Variants in BIRC2 observed in about 807,000 individuals in gnomAD.
The protein encoded by BIRC2 is baculoviral IAP repeat containing 2.
Under a neutral mutation model 60.9 loss-of-function variants are expected in BIRC2, and 18 were observed. That is an observed-to-expected ratio of 0.30 (90% CI 0.20 to 0.44). BIRC2 has a LOEUF of 0.44. Among genes scored for constraint, BIRC2 ranks in the 20% least tolerant of loss-of-function variants. The pLI is 1.00. For missense variants in BIRC2, 701 were observed against 728.5 expected (o/e 0.96, Z 0.43); for synonymous variants, 282 against 247.7 (o/e 1.14, Z -1.30).
At chr11:102,368,210 A>T in intron 5 of BIRC2, 96 bp from the exon 6 acceptor site, 2 of 1,389,004 alleles carry the variant, frequency 1.4e-6, no homozygotes, top group South Asian at 2.7e-5. Context: ...TTACCAGAAT[A>T]TGAGAGTAAA....
intron 3 of BIRC2, among the ~76,000 whole-genome samples, chr11:102,360,528 G>A (rs1049870536): frequency 2.0e-5 from 3 of 151,068 alleles, no homozygotes; most frequent in Admixed American, 6.6e-5. Context: ...TCATTTGTTT[G>A]TATATATTTT....
chr11:102,376,705 A>G (rs944903740), intron 6 of BIRC2, among the ~76,000 whole-genome samples: 9 of 152,214 alleles, frequency 5.9e-5, no homozygotes, highest in African/African-American at 2.2e-4. Flanking sequence ...ATTCTTAGGT[A>G]GTTTTTTTTA....
At chr11:102,363,237 G>T (rs1214319924) in intron 4 of BIRC2, among the ~76,000 whole-genome samples, 1 of 152,000 alleles carries the variant, frequency 6.6e-6, no homozygotes, top group East Asian at 1.9e-4. Flanking sequence ...AAAAAAGATT[G>T]TTTTTTTGTT....
At position 102,349,715 on chromosome 11, in the gene BIRC2, T is replaced by A; in HGVS notation, c.-140T>A. 1 of 875,126 alleles carries A rather than the reference T, an allele frequency of 1.1e-6. No homozygotes were observed. The highest frequency in any genetic ancestry group is 1.7e-6 in the Non-Finnish European group (1 of 583,898). The allele number at this position is 875,126 out of a possible 1,614,324, so 54.2% of individuals were successfully genotyped here. A position where few individuals can be genotyped will look rare whatever the true frequency, so the allele number is the denominator to read the frequency against. On this transcript the variant is annotated 5_prime_UTR_variant, in exon 2 of 9. Coordinates refer to ENST00000227758, the MANE Select transcript of BIRC2 (RefSeq NM_001166.5). ...ATACTCATCCTACCTGAATATAAAC[T>A]GAGATAAATCCAGTAAAGAAAGTGT...
At chr11:102,351,160 C>A (rs555106806) in intron 3 of BIRC2, among the ~76,000 whole-genome samples, 1 of 152,016 alleles carries the variant, frequency 6.6e-6, no homozygotes, top group Non-Finnish European at 1.5e-5. Context: ...CAAGTATGAC[C>A]GTACATTTTA....
At chr11:102,368,785 CAG>C (rs1249122422) in intron 6 of BIRC2, among the ~76,000 whole-genome samples, 1 of 152,134 alleles carries the variant, frequency 6.6e-6, no homozygotes, top group Non-Finnish European at 1.5e-5. Flanking sequence ...TTATGCCAAT[CAG>C]AGAATTTTAG....
chr11:102,372,711 C>T (rs1169224478), intron 6 of BIRC2, among the ~76,000 whole-genome samples: 2 of 134,872 alleles, frequency 1.5e-5, no homozygotes, highest in African/African-American at 2.9e-5. Context: ...AGTTCAATTC[C>T]TGGGTATCCT....
chr11:102,375,391 GTAAA>G (rs1951698419), intron 6 of BIRC2, among the ~76,000 whole-genome samples: 1 of 152,184 alleles, frequency 6.6e-6, no homozygotes, highest in South Asian at 2.1e-4. Flanking sequence ...AAGCTTGTAA[GTAAA>G]GACAGGAATA....
intron 3 of BIRC2, among the ~76,000 whole-genome samples, chr11:102,355,326 C>T (rs372624748): frequency 3.3e-5 from 5 of 152,218 alleles, no homozygotes; most frequent in African/African-American, 9.6e-5. Flanking sequence ...TACATAAAAA[C>T]GGTGTTGGAT....
intron 3 of BIRC2, among the ~76,000 whole-genome samples, chr11:102,351,256 C>T (rs564163060): frequency 6.6e-6 from 1 of 152,112 alleles, no homozygotes; most frequent in African/African-American, 2.4e-5. Context: ...AAGGTAAGAA[C>T]AGGAAAACAA....
intron 6 of BIRC2, among the ~76,000 whole-genome samples, chr11:102,375,960 AT>A (rs112788487): frequency 0.15 from 21,390 of 144,798 alleles, 1,859 homozygotes; most frequent in African/African-American, 0.24. Flanking sequence ...TAGCACGTCA[AT>A]TTTTTTTTTT....
In BIRC2 at chr11:102,350,598, A is replaced by T; in HGVS notation, c.744A>T (p.Pro248=). The T allele has an allele frequency of 6.2e-7, 1 of 1,614,170 alleles. No homozygotes were observed. Residue 248 remains proline (P), a synonymous_variant, in exon 2 of 9, where the codon CCA becomes CCT. Coordinates refer to ENST00000227758, the MANE Select transcript of BIRC2 (RefSeq NM_001166.5). ...SEHRRHFPNC[P]FLENSLETLR... The stretch of plus-strand genomic sequence containing the variant: ...ACCGGAGGCATTTTCCCAACTGTCC[A>T]TTTTTGGAAAATTCTCTAGAAACTC...
chr11:102,347,724 T>G (rs546622640), intron 1 of BIRC2: 9 of 152,408 alleles, frequency 5.9e-5, no homozygotes, highest in Admixed American at 5.2e-4. Flanking sequence ...TTTAATGTAA[T>G]ACATTGAAAC....
intron 3 of BIRC2, among the ~76,000 whole-genome samples, chr11:102,358,241 A>G (rs1294252517): frequency 6.6e-6 from 1 of 152,208 alleles, no homozygotes; most frequent in Non-Finnish European, 1.5e-5. Flanking sequence ...ATAAAGGTTG[A>G]GTATCCCCAA....
chr11:102,367,260 T>C (rs998482201), intron 5 of BIRC2, among the ~76,000 whole-genome samples: 2 of 152,204 alleles, frequency 1.3e-5, no homozygotes, highest in African/African-American at 4.8e-5. Flanking sequence ...CCAGCATATA[T>C]TGCATTTTAT....
chr11:102,362,465 C>T (rs1188312826), intron 3 of BIRC2, among the ~76,000 whole-genome samples: 2 of 152,064 alleles, frequency 1.3e-5, no homozygotes, highest in Non-Finnish European at 2.9e-5. Flanking sequence ...TGGATTCTGG[C>T]TCAAATGTAA....
In BIRC2 at chr11:102,377,738, A is replaced by G. The variant is rs1951730751; in HGVS notation, c.1609A>G (p.Lys537Glu). 6 of 1,599,446 alleles carry G rather than the reference A, an allele frequency of 3.8e-6. No homozygotes were observed. Among genetic ancestry groups the G allele is most frequent in the Non-Finnish European group, 5.1e-6 (6 of 1,176,942 alleles). The change falls in exon 7 of 9, where the codon AAG becomes GAG. Residue 537 changes from lysine (K) to glutamate (E), a missense_variant. Physicochemically the swap from Lys to Glu is moderately conservative, Grantham distance 56. Coordinates refer to ENST00000227758, the MANE Select transcript of BIRC2 (RefSeq NM_001166.5). ...AAAAGAAATTGACTCTACATTGTAT[A>G]AGAACTTATTTGGTGAGTTTGTTGG... ...CLKEIDSTLY[K>E]NLFVDKNMKY...
At chr11:102,365,819 T>C (rs1951547195) in intron 5 of BIRC2, among the ~76,000 whole-genome samples, 1 of 152,096 alleles carries the variant, frequency 6.6e-6, no homozygotes, top group Admixed American at 6.5e-5. Context: ...TCTCAAACTC[T>C]TGAGCTTAAG....
chr11:102,378,167 G>A lies in BIRC2; in HGVS notation c.1841G>A (p.Arg614His), dbSNP rs996265467. 16 of 1,586,202 alleles carry A rather than the reference G, an allele frequency of 1.0e-5. No individual in the cohort carries two copies. The highest frequency in any genetic ancestry group is 3.5e-5 in the South Asian group (3 of 85,832). The change falls in exon 9 of 9, where the codon CGT (arginine) becomes CAT (histidine). Residue 614 changes from arginine to histidine, a missense_variant. Arg to His is a conservative substitution (Grantham distance 29, BLOSUM62 0). Transcript: ENST00000227758. ...AGGGGTATAATCAAGGGTACTGTTC[G>A]TACATTTCTCTCTTAAAGAAAAATA... ...ICRGIIKGTV[R>H]TFLS
Sources: gnomAD v4.1 joint callset for allele counts (sites outside exome capture counted in the v4.1 genomes callset) on GRCh38, gnomAD v4.1.1 for gene constraint, MANE v1.5 for transcripts, NCBI Gene and HGNC (gene_info 2026-07-23, HGNC 2026-07-21) for gene names.